Variants in SPHKAP observed in about 807,000 individuals in gnomAD.
SPHKAP encodes the protein SPHK1 interactor, AKAP domain containing.
A neutral mutation model predicts 137.5 loss-of-function variants in SPHKAP; 67 were observed. That is an observed-to-expected ratio of 0.49 (90% CI 0.40 to 0.60). The LOEUF is 0.60. SPHKAP is among the 20% of genes least tolerant of loss of function. The pLI, the probability that SPHKAP is intolerant of heterozygous loss-of-function variation, is 0.00. For synonymous variants in SPHKAP, 813 were observed against 785.3 expected, an observed-to-expected ratio of 1.04 and a Z score of -0.59; for missense variants, 2,097 against 2,069.3, an observed-to-expected ratio of 1.01 and a Z score of -0.26.
At chr2:228,119,243 G>A (rs1698827767) in intron 2 of SPHKAP, among the ~76,000 whole-genome samples, 2 of 152,028 alleles carry the variant, frequency 1.3e-5, no homozygotes, top group South Asian at 4.1e-4. Flanking sequence ...AGGAAGTGAT[G>A]GGAAATGAAG....
At chr2:228,111,263 C>T (rs976557551) in intron 2 of SPHKAP, among the ~76,000 whole-genome samples, 5 of 152,128 alleles carry the variant, frequency 3.3e-5, no homozygotes, top group Admixed American at 2.0e-4. Context: ...AGCAGGATGA[C>T]CTCAAACAGA....
Position 228,181,208 on chromosome 2 carries a change from C to T in SPHKAP, c.32+359G>A, listed in dbSNP as rs1312628154. ...CTGTTTTAGACCTTGGAATCTGTCT[C>T]TCCACAAGGTGTGAAACCTCTCCAA... On this transcript the variant is annotated intron_variant, in intron 1 of 11. Transcript: ENST00000392056. The surrounding 1 kb of genome is among the most constrained non-coding windows in gnomAD (Gnocchi z 4.3). 1.3e-5 allele frequency among the ~76,000 whole-genome samples: 2 copies of T among 152,158 alleles called. 1 individual carries two copies. The highest frequency in any genetic ancestry group is 3.9e-4 in the East Asian group (2 of 5,148).
chr2:228,039,692 G>A (rs1310136701), intron 3 of SPHKAP, among the ~76,000 whole-genome samples: 1 of 152,132 alleles, frequency 6.6e-6, no homozygotes, highest in African/African-American at 2.4e-5. Flanking sequence ...CAACTTTTGC[G>A]AGGCAACTGT....
chr2:228,165,916 G>A (rs1164853779), intron 1 of SPHKAP, among the ~76,000 whole-genome samples: 1 of 152,172 alleles, frequency 6.6e-6, no homozygotes, highest in African/African-American at 2.4e-5. Flanking sequence ...TTTTATTTAA[G>A]TAAAATGCTA....
intron 1 of SPHKAP, among the ~76,000 whole-genome samples, chr2:228,153,871 G>A (rs1700014946): frequency 6.6e-6 from 1 of 152,130 alleles, no homozygotes; most frequent in Admixed American, 6.6e-5. Context: ...CGGGCTTAAA[G>A]AAAAATGTGG....
chr2:228,158,211 C>T (rs538941131), intron 1 of SPHKAP, among the ~76,000 whole-genome samples: 2 of 152,122 alleles, frequency 1.3e-5, no homozygotes, highest in Non-Finnish European at 2.9e-5. Flanking sequence ...AATTTACTGC[C>T]CAAATTGTCC....
At chr2:228,175,808 A>AT (rs939030668) in intron 1 of SPHKAP, among the ~76,000 whole-genome samples, 12 of 152,164 alleles carry the variant, frequency 7.9e-5, no homozygotes, top group Non-Finnish European at 1.2e-4. Context: ...AGATAGATAG[A>AT]TTTTTTTAAA....
chr2:228,018,064 C>G lies in SPHKAP; in HGVS notation c.2790G>C (p.Ala930=). ...HPDIYCITDF[A]EELADTVVSM... ...AGACGACCGTGTCTGCTAATTCTTC[C>G]GCAAAGTCTGTAATGCAGTAGATGT... The change falls in exon 7 of 12, where the codon GCG becomes GCC. Residue 930 remains alanine (A), a synonymous_variant. Coordinates refer to ENST00000392056, the MANE Select transcript of SPHKAP (RefSeq NM_001142644.2). 1 of 1,614,112 alleles carries G rather than the reference C, an allele frequency of 6.2e-7. No individual in the cohort carries two copies. The highest frequency in any genetic ancestry group is 1.6e-4 in the Middle Eastern group (1 of 6,062).
chr2:228,081,461 A>G (rs4267501), intron 3 of SPHKAP, among the ~76,000 whole-genome samples: 36,280 of 152,176 alleles, frequency 0.24, 4,456 homozygotes, highest in East Asian at 0.27. Flanking sequence ...TCCAAAGGGT[A>G]TGAAATAAGT....
chr2:228,161,593 T>C (rs1700275693), intron 1 of SPHKAP, among the ~76,000 whole-genome samples: 1 of 152,102 alleles, frequency 6.6e-6, no homozygotes, highest in South Asian at 2.1e-4. Context: ...TAATGCATGC[T>C]GGGCTTAATA....
rs757288162 is a variant in SPHKAP, at chr2:228,019,330, T to A, written c.1524A>T (p.Gly508=). 4 of 1,614,076 alleles carry A rather than the reference T, an allele frequency of 2.5e-6. No homozygotes were observed. The highest frequency in any genetic ancestry group is 3.4e-6 in the Non-Finnish European group (4 of 1,179,990). ...CTGTGGCCTGTGGACTGGAAATAGTTCCAATCACAGTGGCTGCACAAGCTA... is the reference window on the plus strand; with the variant it reads ...CTGTGGCCTGTGGACTGGAAATAGTACCAATCACAGTGGCTGCACAAGCTA... ...VALACAATVI[G]TISSPQATER... The change falls in exon 7 of 12, where the codon GGA becomes GGT. Residue 508 remains glycine, a synonymous_variant. Transcript: ENST00000392056.
chr2:228,105,770 C>G (rs188956257), intron 3 of SPHKAP, among the ~76,000 whole-genome samples: 56 of 152,102 alleles, frequency 3.7e-4, no homozygotes, highest in Non-Finnish European at 6.5e-4. Context: ...TTTTCTCTTG[C>G]CTGCCACCAT....
rs1209189026 is a variant in SPHKAP at position 228,018,482 on chromosome 2, A to G, written c.2372T>C (p.Met791Thr). 1.2e-6 allele frequency: 2 copies of G among 1,614,178 alleles called. No homozygotes were observed. The highest frequency in any genetic ancestry group is 8.5e-7 in the Non-Finnish European group (1 of 1,180,008). ...SLVINNLVDGMYSKQDKGGVR... is the reference protein window; with the variant it reads ...SLVINNLVDGTYSKQDKGGVR... Reference sequence around the variant, plus strand: ...TCCACCCTTGTCTTGTTTTGAATACATGCCATCCACAAGATTGTTGATGAC... The same window carrying G: ...TCCACCCTTGTCTTGTTTTGAATACGTGCCATCCACAAGATTGTTGATGAC... The change falls in exon 7 of 12, where the codon ATG becomes ACG. Residue 791 changes from methionine to threonine, a missense_variant. Coordinates refer to ENST00000392056, the MANE Select transcript of SPHKAP (RefSeq NM_001142644.2).
At chr2:228,161,246 A>G (rs942475238) in intron 1 of SPHKAP, among the ~76,000 whole-genome samples, 6 of 152,202 alleles carry the variant, frequency 3.9e-5, no homozygotes, top group African/African-American at 1.4e-4. Context: ...CAGTCTAGCT[A>G]CTGCGTAGAC....
In SPHKAP at chr2:228,133,839, A is replaced by T. The variant is rs143425074; in HGVS notation, c.33-1754T>A. On this transcript the variant is annotated intron_variant, in intron 1 of 11. Transcript: ENST00000392056. ...TTATGGAATGACATTTTAAAAAATGACCACTGACTGTGCTGTGTAACAAAT... is the reference window on the plus strand; with the variant it reads ...TTATGGAATGACATTTTAAAAAATGTCCACTGACTGTGCTGTGTAACAAAT... 2.7e-3 allele frequency among the ~76,000 whole-genome samples: 408 copies of T among 152,330 alleles called. 5 individuals are homozygous for T. Among genetic ancestry groups the T allele is most frequent in the East Asian group, 9.6e-4 (5 of 5,188 alleles).
At chr2:228,176,156 G>T (rs1374307444) in intron 1 of SPHKAP, among the ~76,000 whole-genome samples, 1 of 152,164 alleles carries the variant, frequency 6.6e-6, no homozygotes, top group African/African-American at 2.4e-5. Flanking sequence ...ACAGAACCGG[G>T]ATCTTAATTA....
chr2:228,055,259 G>A (rs1696398234), intron 3 of SPHKAP, among the ~76,000 whole-genome samples: 1 of 152,026 alleles, frequency 6.6e-6, no homozygotes, highest in African/African-American at 2.4e-5. Context: ...TGTCAATGAG[G>A]AGAGAGAAAT....
At position 228,047,287 on chromosome 2, in the gene SPHKAP, GA is replaced by G. The variant is rs575544712; in HGVS notation, c.247-19745del. On this transcript the variant is annotated intron_variant, in intron 3 of 11. Transcript: ENST00000392056. The stretch of plus-strand genomic sequence containing the variant: ...TCGAGATCAGCCTGGCCAACACTGC[GA>G]AACCCCATCTCTGCTAAAAATACAA... 1.2e-3 allele frequency among the ~76,000 whole-genome samples: 190 copies of G among 152,128 alleles called. 2 individuals are homozygous for G. Among genetic ancestry groups the G allele is most frequent in the Admixed American group, 6.5e-3 (99 of 15,284 alleles).
intron 3 of SPHKAP, among the ~76,000 whole-genome samples, chr2:228,079,626 C>T (rs1228744210): frequency 1.3e-5 from 2 of 152,226 alleles, no homozygotes; most frequent in Non-Finnish European, 2.9e-5. Flanking sequence ...AGGGCCATTC[C>T]AGTGCCTGAC....
Sources: allele counts gnomAD v4.1 joint callset (sites outside exome capture counted in the v4.1 genomes callset), GRCh38; gene constraint gnomAD v4.1.1; non-coding constraint Gnocchi (gnomAD v3.1); transcripts MANE v1.5; gene names NCBI Gene and HGNC (gene_info 2026-07-23, HGNC 2026-07-21).